Variants in DIP2C observed in about 807,000 individuals in gnomAD.
The protein encoded by DIP2C is DIP2 acetate--CoA ligase C (putative), also known as disco-interacting protein 2 homolog C.
A neutral mutation model predicts 192.4 loss-of-function variants in DIP2C; 33 were observed. The observed-to-expected ratio is 0.17, with a 90% CI of 0.13 to 0.23. The LOEUF is 0.23. Ranked by LOEUF, DIP2C falls within the 10% of genes least tolerant of loss-of-function variation. The pLI is 1.00. For synonymous variants in DIP2C, 979 were observed against 864.1 expected (o/e 1.13, Z -2.33); for missense variants, 1,537 against 2,110.1 (o/e 0.73, Z 5.32).
At chr10:524,966 T>TAAAAAAA (rs1564818283) in intron 1 of DIP2C, among the ~76,000 whole-genome samples, 1 of 26,746 alleles carries the variant, frequency 3.7e-5, no homozygotes, top group African/African-American at 4.4e-4. Flanking sequence ...AATCACAATT[T>TAAAAAAA]CAAAAAAAAA....
intron 34 of DIP2C, 35 bp downstream of exon 34, chr10:286,238 A>G (rs1564506753): frequency 6.8e-6 from 11 of 1,608,648 alleles, no homozygotes; most frequent in Non-Finnish European, 8.5e-6. Flanking sequence ...ACATAACAGA[A>G]AAGTAACCTG....
At chr10:644,136 G>T (rs1305708496) in intron 1 of DIP2C, among the ~76,000 whole-genome samples, 1 of 152,228 alleles carries the variant, frequency 6.6e-6, no homozygotes, top group Admixed American at 6.5e-5. Context: ...AAGAGACTGG[G>T]AGTTACACAT....
chr10:278,033 G>A (rs1954610684), intron 36 of DIP2C, among the ~76,000 whole-genome samples: 1 of 152,188 alleles, frequency 6.6e-6, no homozygotes. Context: ...GGAGGCCGAG[G>A]GCAGGGGTGC....
At chr10:605,927 C>G (rs2131728492) in intron 1 of DIP2C, among the ~76,000 whole-genome samples, 1 of 152,298 alleles carries the variant, frequency 6.6e-6, no homozygotes, top group African/African-American at 2.4e-5. Flanking sequence ...CGTGCCATTT[C>G]CACATATGCA....
chr10:484,613 G>C (rs927149710), intron 2 of DIP2C, among the ~76,000 whole-genome samples: 2 of 152,220 alleles, frequency 1.3e-5, no homozygotes, highest in Non-Finnish European at 2.9e-5. Context: ...GACAGACCTG[G>C]TCTCTGGCGA....
chr10:537,793 ATTTT>A (rs11290099), intron 1 of DIP2C, among the ~76,000 whole-genome samples: 3 of 148,584 alleles, frequency 2.0e-5, no homozygotes, highest in African/African-American at 7.4e-5. Context: ...TCGTCTGCGA[ATTTT>A]TTTTTTTCCC....
chr10:378,511 AC>A (rs1961918510), intron 17 of DIP2C, among the ~76,000 whole-genome samples: 1 of 150,968 alleles, frequency 6.6e-6, no homozygotes, highest in African/African-American at 2.4e-5. Flanking sequence ...GCATAAAGAC[AC>A]GTGAACACAC....
chr10:281,093 C>T, intron 36 of DIP2C, 107 bp downstream of exon 36: 2 of 1,493,470 alleles, frequency 1.3e-6, no homozygotes, highest in Non-Finnish European at 1.8e-6. Context: ...ATCGCACCCC[C>T]TTCCCTACCT....
intron 4 of DIP2C, among the ~76,000 whole-genome samples, chr10:439,454 C>CA (rs1286740201): frequency 1.3e-5 from 2 of 152,018 alleles, no homozygotes; most frequent in Non-Finnish European, 2.9e-5. Context: ...CCTGTCTCCA[C>CA]AAAAACTTAA....
chr10:587,671 C>T (rs1030783449), intron 1 of DIP2C, among the ~76,000 whole-genome samples: 5 of 144,502 alleles, frequency 3.5e-5, no homozygotes, highest in Admixed American at 2.7e-4. Context: ...AGCCCTGACC[C>T]TGCGGAAACC....
intron 1 of DIP2C, among the ~76,000 whole-genome samples, chr10:513,898 A>C (rs1333657278): frequency 1.3e-5 from 2 of 152,250 alleles, no homozygotes; most frequent in Non-Finnish European, 2.9e-5. Context: ...CTCACCATCC[A>C]GCCTGTCCTG....
intron 1 of DIP2C, among the ~76,000 whole-genome samples, chr10:598,706 T>G (rs1851870802): frequency 6.6e-6 from 1 of 152,202 alleles, no homozygotes; most frequent in Non-Finnish European, 1.5e-5. Flanking sequence ...ATCCACACCG[T>G]GGCTTGTGTT....
intron 3 of DIP2C, among the ~76,000 whole-genome samples, chr10:445,556 T>C (rs1318253654): frequency 1.3e-5 from 2 of 151,564 alleles, no homozygotes; most frequent in Non-Finnish European, 2.9e-5. Flanking sequence ...CACAGTCCAC[T>C]GGGCATCTGT....
chr10:512,401 A>G (rs59207240), intron 1 of DIP2C, among the ~76,000 whole-genome samples: 11 of 152,194 alleles, frequency 7.2e-5, no homozygotes, highest in African/African-American at 2.4e-4. Context: ...TCTACTAAAA[A>G]TAAAAAATAA....
At chr10:405,382 A>T (rs1363139492) in intron 9 of DIP2C, among the ~76,000 whole-genome samples, 1 of 152,270 alleles carries the variant, frequency 6.6e-6, no homozygotes, top group Non-Finnish European at 1.5e-5. Context: ...GAAATGTGGT[A>T]TAACAAAGTT....
chr10:483,124 G>A (rs1158800059), intron 2 of DIP2C, among the ~76,000 whole-genome samples: 2 of 152,186 alleles, frequency 1.3e-5, no homozygotes, highest in African/African-American at 4.8e-5. Flanking sequence ...GGCTGGCCTA[G>A]GGAACAGAAC....
chr10:367,508 G>A (rs1218097718), intron 18 of DIP2C, among the ~76,000 whole-genome samples: 2 of 152,204 alleles, frequency 1.3e-5, no homozygotes, highest in African/African-American at 2.4e-5. Context: ...AACACGGTGG[G>A]TAAGGAGTGG....
At chr10:378,502 C>CAT (rs1236483306) in intron 17 of DIP2C, among the ~76,000 whole-genome samples, 1 of 151,658 alleles carries the variant, frequency 6.6e-6, no homozygotes, top group Non-Finnish European at 1.5e-5. Flanking sequence ...CACAGACATG[C>CAT]ATAAAGACAC....
chr10:527,403 G>T (rs1172070566), intron 1 of DIP2C, among the ~76,000 whole-genome samples: 1 of 152,186 alleles, frequency 6.6e-6, no homozygotes, highest in African/African-American at 2.4e-5. Context: ...CGCTGCTTTT[G>T]TAATTTTTAA....
Sources: allele counts gnomAD v4.1 joint callset (sites outside exome capture counted in the v4.1 genomes callset), GRCh38; gene constraint gnomAD v4.1.1; transcripts MANE v1.5; gene names NCBI Gene and HGNC (gene_info 2026-07-23, HGNC 2026-07-21).